Variants in AUTS2 observed in about 807,000 individuals in gnomAD.
AUTS2 encodes activator of transcription and developmental regulator AUTS2.
AUTS2 carries 17 observed loss-of-function variants against 112.4 expected under a neutral mutation model. That is an observed-to-expected ratio of 0.15 (90% CI 0.10 to 0.23). The LOEUF is 0.23. Ranked by LOEUF, AUTS2 falls within the 10% of genes least tolerant of loss-of-function variation. AUTS2 has a pLI of 1.00. For missense variants in AUTS2, 1,510 were observed against 1,701.6 expected (o/e 0.89, Z 1.98); for synonymous variants, 751 against 702.7 (o/e 1.07, Z -1.09).
At chr7:69,755,169 A>G (rs1156256334) in intron 1 of AUTS2, among the ~76,000 whole-genome samples, 3 of 152,166 alleles carry the variant, frequency 2.0e-5, no homozygotes, top group African/African-American at 7.2e-5. Context: ...ATTTTGAGAC[A>G]GTGGCCTTAT....
At chr7:70,328,698 A>C (rs1402735593) in intron 4 of AUTS2, among the ~76,000 whole-genome samples, 1 of 152,246 alleles carries the variant, frequency 6.6e-6, no homozygotes, top group Non-Finnish European at 1.5e-5. Flanking sequence ...CACATTCAGC[A>C]GTAAAGAATG....
At chr7:70,441,803 C>T (rs759863225) in intron 5 of AUTS2, among the ~76,000 whole-genome samples, 1 of 152,192 alleles carries the variant, frequency 6.6e-6, no homozygotes, top group Non-Finnish European at 1.5e-5. Flanking sequence ...ATGTTCCTAA[C>T]TCAACACAAA....
chr7:70,624,328 C>CTGAG (rs1384242812), intron 5 of AUTS2, among the ~76,000 whole-genome samples: 3 of 152,154 alleles, frequency 2.0e-5, no homozygotes, highest in African/African-American at 7.2e-5. Context: ...CTCCAGAGTT[C>CTGAG]AACTCAGCAC....
intron 1 of AUTS2, among the ~76,000 whole-genome samples, chr7:69,809,245 T>G (rs1790440594): frequency 6.6e-6 from 1 of 152,008 alleles, no homozygotes; most frequent in Admixed American, 6.6e-5. Flanking sequence ...TGGCTAATTT[T>G]TTGTATTTTT....
At chr7:69,615,499 C>T (rs929109567) in intron 1 of AUTS2, among the ~76,000 whole-genome samples, 2 of 151,990 alleles carry the variant, frequency 1.3e-5, no homozygotes, top group Admixed American at 1.3e-4. Context: ...GACAGGATTT[C>T]TCCATGTTGG....
intron 1 of AUTS2, among the ~76,000 whole-genome samples, chr7:69,880,664 A>G (rs1584385002): frequency 6.6e-6 from 1 of 152,228 alleles, no homozygotes; most frequent in East Asian, 1.9e-4. Context: ...GAAGCGGGAA[A>G]TCAGGTAAGA....
At chr7:69,647,908 A>G (rs757284348) in intron 1 of AUTS2, among the ~76,000 whole-genome samples, 8 of 152,024 alleles carry the variant, frequency 5.3e-5, no homozygotes, top group African/African-American at 1.4e-4. Context: ...CATAATTTCA[A>G]TATTTGCCTT....
chr7:69,669,365 T>C (rs1407840346), intron 1 of AUTS2, among the ~76,000 whole-genome samples: 3 of 151,680 alleles, frequency 2.0e-5, no homozygotes, highest in Admixed American at 6.6e-5. Flanking sequence ...TATGTGTGTG[T>C]ATATATATAT....
chr7:69,688,532 G>A (rs891075996), intron 1 of AUTS2, among the ~76,000 whole-genome samples: 1 of 152,052 alleles, frequency 6.6e-6, no homozygotes, highest in Non-Finnish European at 1.5e-5. Context: ...CATATTTATG[G>A]GGTACATAGT....
intron 1 of AUTS2, among the ~76,000 whole-genome samples, chr7:69,867,556 T>C (rs1443124320): frequency 6.6e-6 from 1 of 152,210 alleles, no homozygotes; most frequent in African/African-American, 2.4e-5. Context: ...ATGTTCTGGT[T>C]CTGAGGTCTA....
intron 6 of AUTS2, among the ~76,000 whole-genome samples, chr7:70,761,380 C>T (rs184906835): frequency 6.6e-6 from 1 of 152,212 alleles, no homozygotes; most frequent in Admixed American, 6.5e-5. Flanking sequence ...ATACTTTTCC[C>T]GTTTGATACA....
intron 2 of AUTS2, among the ~76,000 whole-genome samples, chr7:70,093,500 T>C (rs1379509560): frequency 1.3e-5 from 2 of 152,234 alleles, no homozygotes; most frequent in Middle Eastern, 3.2e-3. Flanking sequence ...AGGCTTTGCA[T>C]GAGAGAAAAG....
intron 4 of AUTS2, among the ~76,000 whole-genome samples, chr7:70,170,655 G>C (rs1314944090): frequency 6.7e-6 from 1 of 148,556 alleles, no homozygotes; most frequent in African/African-American, 2.5e-5. Flanking sequence ...GGAGTGCGGT[G>C]GTGCGATCTC....
chr7:70,284,849 C>T (rs1788383281), intron 4 of AUTS2, among the ~76,000 whole-genome samples: 1 of 152,162 alleles, frequency 6.6e-6, no homozygotes. Context: ...GAAGATCCCT[C>T]CAGAGGTCCA....
At chr7:70,236,758 C>T (rs533868435) in intron 4 of AUTS2, among the ~76,000 whole-genome samples, 1 of 152,176 alleles carries the variant, frequency 6.6e-6, no homozygotes, top group Non-Finnish European at 1.5e-5. Context: ...TTCCACTCCT[C>T]GTTGTTATTT....
intron 4 of AUTS2, among the ~76,000 whole-genome samples, chr7:70,376,631 TG>T (rs1793096789): frequency 6.6e-6 from 1 of 151,274 alleles, no homozygotes; most frequent in African/African-American, 2.4e-5. Flanking sequence ...TGCTCTCCTG[TG>T]TGATGTAATG....
Position 70,531,364 on chromosome 7 carries a change from A to T in AUTS2, c.690+95583A>T, listed in dbSNP as rs368247458. Among the ~76,000 whole-genome samples the T allele has an allele frequency of 2.5e-4, 38 of 152,284 alleles. No homozygotes were observed. In the East Asian group the frequency reaches 2.9e-3, roughly 12 times the overall value. ...TGCAGACAGCTAGATCCTGTGCGTG[A>T]GGGTTGTCTTAGTCCATTTTATGTT... On this transcript the variant is annotated intron_variant, in intron 5 of 18. Coordinates refer to ENST00000342771, the MANE Select transcript of AUTS2 (RefSeq NM_015570.4).
At chr7:70,183,416 G>A (rs1809426845) in intron 4 of AUTS2, among the ~76,000 whole-genome samples, 1 of 152,206 alleles carries the variant, frequency 6.6e-6, no homozygotes, top group Admixed American at 6.5e-5. Context: ...ACACCGCCAG[G>A]TGACAAATGT....
At chr7:69,815,299 A>G (rs1175536772) in intron 1 of AUTS2, among the ~76,000 whole-genome samples, 3 of 152,098 alleles carry the variant, frequency 2.0e-5, no homozygotes, top group Non-Finnish European at 4.4e-5. Context: ...TCTCCCTTGG[A>G]CTTAATAAGG....
Sources: gnomAD v4.1 joint callset for allele counts (sites outside exome capture counted in the v4.1 genomes callset) on GRCh38, gnomAD v4.1.1 for gene constraint, MANE v1.5 for transcripts, NCBI Gene and HGNC (gene_info 2026-07-23, HGNC 2026-07-21) for gene names.